Variants in EYA4 observed in about 807,000 individuals in gnomAD.
EYA4 encodes the protein EYA transcriptional coactivator and phosphatase 4, also known as protein phosphatase EYA4.
In EYA4, 31 loss-of-function variants were observed where a neutral mutation model predicts 87.9. The ratio of observed to expected loss-of-function variants is 0.35; its 90% CI spans 0.27 to 0.48. The LOEUF (loss-of-function observed/expected upper bound fraction) is 0.48. Among genes scored for constraint, EYA4 ranks in the 20% least tolerant of loss-of-function variants. The pLI is 0.99. For missense variants in EYA4, 678 were observed against 761.4 expected (o/e 0.89, Z 1.29); for synonymous variants, 263 against 270.6 (o/e 0.97, Z 0.28).
At chr6:133,357,300 G>GA (rs1225152698) in intron 2 of EYA4, among the ~76,000 whole-genome samples, 2 of 136,780 alleles carry the variant, frequency 1.5e-5, no homozygotes, top group African/African-American at 5.6e-5. Context: ...AAAAAGAGCA[G>GA]AAAAAACTAA....
Position 133,259,461 on chromosome 6 carries a change from G to A in EYA4, c.-65-15255G>A, listed in dbSNP as rs147028378. 2.4e-3 allele frequency among the ~76,000 whole-genome samples: 368 copies of A among 152,262 alleles called. 5 individuals are homozygous for A. Among genetic ancestry groups the A allele is most frequent in the African/African-American group, 8.3e-3 (345 of 41,542 alleles). On this transcript the variant is annotated intron_variant, in intron 1 of 19. Coordinates refer to ENST00000355286, the MANE Select transcript of EYA4 (RefSeq NM_004100.5). ...TTAGAAGCTATAAGGGCAGTTTTTGGTAAAGGTGGCCCTACTTCTAATTCA... is the reference window on the plus strand; with the variant it reads ...TTAGAAGCTATAAGGGCAGTTTTTGATAAAGGTGGCCCTACTTCTAATTCA...
At chr6:133,324,828 A>G (rs796278983) in intron 2 of EYA4, among the ~76,000 whole-genome samples, 11 of 152,136 alleles carry the variant, frequency 7.2e-5, no homozygotes, top group African/African-American at 2.6e-4. Flanking sequence ...TCAAAAAATC[A>G]GATTAATAAA....
chr6:133,506,093 A>C lies in EYA4; in HGVS notation c.1192-13A>C, dbSNP rs754650520. ...TGAAATTTTACCTCATTATGTGTACATTTTCTTTACAGGATCCCCCCATGG... is the reference window on the plus strand; with the variant it reads ...TGAAATTTTACCTCATTATGTGTACCTTTTCTTTACAGGATCCCCCCATGG... On this transcript the variant is annotated splice_polypyrimidine_tract_variant and intron_variant, in intron 13 of 19. Transcript: ENST00000355286. The C allele has an allele frequency of 3.9e-6, 6 of 1,550,130 alleles. No individual in the cohort carries two copies. The South Asian group carries it at 6.7e-5, about 17-fold the overall frequency.
At chr6:133,381,124 G>A (rs1471725317) in intron 2 of EYA4, among the ~76,000 whole-genome samples, 1 of 105,742 alleles carries the variant, frequency 9.5e-6, no homozygotes, top group African/African-American at 3.7e-5. Context: ...TGATTACCAT[G>A]TTAAAGGCAT....
At chr6:133,393,422 A>T (rs553966436) in intron 3 of EYA4, among the ~76,000 whole-genome samples, 44 of 152,322 alleles carry the variant, frequency 2.9e-4, no homozygotes, top group Non-Finnish European at 5.4e-4. Context: ...CCAATTAAAT[A>T]AAATAGGGAG....
At chr6:133,515,234 A>T in intron 16 of EYA4, 87 bp from the exon 17 acceptor site, 2 of 775,876 alleles carry the variant, frequency 2.6e-6, no homozygotes, top group Non-Finnish European at 4.7e-6. Flanking sequence ...AATAAAAATG[A>T]TCTATTCCAG....
intron 5 of EYA4, among the ~76,000 whole-genome samples, chr6:133,452,479 T>C (rs1210511240): frequency 6.6e-6 from 1 of 152,154 alleles, no homozygotes; most frequent in African/African-American, 2.4e-5. Context: ...TCGACATTAA[T>C]GTTATACTTA....
At chr6:133,354,200 A>G (rs1170904031) in intron 2 of EYA4, among the ~76,000 whole-genome samples, 5 of 152,130 alleles carry the variant, frequency 3.3e-5, no homozygotes, top group African/African-American at 9.6e-5. Context: ...AGAAATCCTT[A>G]TTTACAGCTT....
chr6:133,496,980 C>G (rs6927198), intron 13 of EYA4, among the ~76,000 whole-genome samples: 3,146 of 152,220 alleles, frequency 0.021, 119 homozygotes, highest in African/African-American at 0.071. Flanking sequence ...CCATACCTAC[C>G]TGCATATCTA....
chr6:133,482,892 A>C, intron 12 of EYA4, 140 bp from the exon 13 acceptor site: 1 of 735,302 alleles, frequency 1.4e-6, no homozygotes. Context: ...GGCAAATTTG[A>C]AAAACAAAAA....
At position 133,264,399 on chromosome 6, in the gene EYA4, C is replaced by T. The variant is rs143295705; in HGVS notation, c.-65-10317C>T. 6.2e-3 allele frequency among the ~76,000 whole-genome samples: 939 copies of T among 152,340 alleles called. 12 individuals carry two copies. In the South Asian group the frequency reaches 0.063, roughly 10 times the overall value. On this transcript the variant is annotated intron_variant, in intron 1 of 19. Coordinates refer to ENST00000355286, the MANE Select transcript of EYA4 (RefSeq NM_004100.5). Reference sequence around the variant, plus strand: ...AGAGACTGCATTCAGATCTATATTTCGGAACCATCACTCTGGTTGCACTGT... The same window carrying T: ...AGAGACTGCATTCAGATCTATATTTTGGAACCATCACTCTGGTTGCACTGT...
At chr6:133,379,445 A>G (rs1447962985) in intron 2 of EYA4, among the ~76,000 whole-genome samples, 1 of 152,044 alleles carries the variant, frequency 6.6e-6, no homozygotes, top group Non-Finnish European at 1.5e-5. Context: ...TGATTCCTTT[A>G]ACTCCTCTAC....
chr6:133,446,504 C>CT, intron 3 of EYA4, 126 bp from the exon 4 acceptor site: 1 of 1,044,934 alleles, frequency 9.6e-7, no homozygotes, highest in East Asian at 2.6e-5. Flanking sequence ...ATCTGGTTGA[C>CT]TAAGTCTTAG....
intron 19 of EYA4, among the ~76,000 whole-genome samples, chr6:133,526,934 T>C (rs1010018563): frequency 2.6e-5 from 4 of 152,202 alleles, no homozygotes; most frequent in Admixed American, 6.6e-5. Context: ...TATAATTCAG[T>C]TTTCCAAACC....
chr6:133,416,744 G>A (rs1789747738), intron 3 of EYA4, among the ~76,000 whole-genome samples: 1 of 152,212 alleles, frequency 6.6e-6, no homozygotes, highest in Admixed American at 6.5e-5. Context: ...GCAGAAAAGA[G>A]TAGAACCACA....
intron 18 of EYA4, 36 bp from the exon 19 acceptor site, chr6:133,525,118 A>G (rs1251811363): frequency 6.2e-7 from 1 of 1,613,664 alleles, no homozygotes; most frequent in East Asian, 2.2e-5. Flanking sequence ...CTAACCAGGT[A>G]ACTTCACTCT....
Position 133,529,168 on chromosome 6 carries a change from A to G in EYA4, c.*363A>G. 2 of 1,174,728 alleles carry G rather than the reference A, an allele frequency of 1.7e-6. No individual in the cohort carries two copies. Among genetic ancestry groups the G allele is most frequent in the Non-Finnish European group, 2.1e-6 (2 of 938,184 alleles). 72.8% of individuals were successfully genotyped at this position (1,174,728 alleles called of 1,614,324 possible). A position where few individuals can be genotyped will look rare whatever the true frequency, so the allele number is the denominator to read the frequency against. Reference sequence around the variant, plus strand: ...ACAAGGTGGTCAACAACATTCCTCAAAATGGGAGATCTTCTCAGCCCTGAG... The same window carrying G: ...ACAAGGTGGTCAACAACATTCCTCAGAATGGGAGATCTTCTCAGCCCTGAG... On this transcript the variant is annotated 3_prime_UTR_variant, in exon 20 of 20. Coordinates refer to ENST00000355286, the MANE Select transcript of EYA4 (RefSeq NM_004100.5).
At chr6:133,240,962 C>A (rs1437171556), upstream of EYA4, 1 of 152,142 alleles carries the variant, frequency 6.6e-6, no homozygotes, top group African/African-American at 2.4e-5. Flanking sequence ...CAGTGGCTCT[C>A]CGGCCCAGGG....
chr6:133,381,264 G>T (rs1421325173), intron 2 of EYA4, among the ~76,000 whole-genome samples: 1 of 151,822 alleles, frequency 6.6e-6, no homozygotes, highest in Non-Finnish European at 1.5e-5. Flanking sequence ...TGATTTCCCA[G>T]ATTATAAAAA....
Sources: gnomAD v4.1 joint callset for allele counts (sites outside exome capture counted in the v4.1 genomes callset) on GRCh38, gnomAD v4.1.1 for gene constraint, MANE v1.5 for transcripts, NCBI Gene and HGNC (gene_info 2026-07-23, HGNC 2026-07-21) for gene names.